MTCL1: variants seen among roughly 807,000 people sequenced by gnomAD.
The protein encoded by MTCL1 is microtubule crosslinking factor 1.
In MTCL1, 79 loss-of-function variants were observed where a neutral mutation model predicts 141.4. That is an observed-to-expected ratio of 0.56 (90% confidence interval 0.47 to 0.67). The LOEUF is 0.67. Among genes scored for constraint, MTCL1 ranks in the 30% least tolerant of loss-of-function variants. The pLI, the probability that MTCL1 is intolerant of heterozygous loss-of-function variation, is 0.00. For missense variants in MTCL1, 2,177 were observed against 2,113.9 expected (o/e 1.03, Z -0.59); for synonymous variants, 914 against 875.8 (o/e 1.04, Z -0.77).
At chr18:8,809,882 A>G (rs1568080756) in intron 11 of MTCL1, 2 of 364,392 alleles carry the variant, frequency 5.5e-6, no homozygotes, top group East Asian at 1.1e-4. Context: ...GTGAATGAGG[A>G]GGTGGGAGGC....
At chr18:8,802,370 G>C (rs2076150209) in intron 10 of MTCL1, 2 of 152,238 alleles carry the variant, frequency 1.3e-5, no homozygotes, top group South Asian at 4.1e-4. Context: ...TCCAGCTTTA[G>C]ATTAATCCTA....
Position 8,812,788 on chromosome 18 carries a change from C to T in MTCL1, c.2605-191C>T, listed in dbSNP as rs183754586. The T allele has an allele frequency of 7.3e-3, 4,853 of 663,562 alleles. 33 individuals are homozygous for T. The highest frequency in any genetic ancestry group is 8.9e-3 in the Non-Finnish European group (3,598 of 404,514). The allele number at this position is 663,562 out of a possible 1,614,324, so 41.1% of individuals were successfully genotyped here. On this transcript the variant is annotated intron_variant, in intron 11 of 16. Transcript: ENST00000359865. ...CATGGGAAGCTCAGTTTACTCACCG[C>T]TTAACATTCTTTGTGACTGTGTCAA...
chr18:8,714,911 C>T (rs576849431), upstream of MTCL1, among the ~76,000 whole-genome samples: 64 of 152,260 alleles, frequency 4.2e-4, no homozygotes, highest in South Asian at 0.012. Context: ...ATTCTTCTGC[C>T]TCAGCCTCCC....
chr18:8,825,787 G>T (rs374048104), exon 15 of MTCL1: 83 of 1,613,982 alleles, frequency 5.1e-5, no homozygotes, highest in Non-Finnish European at 9.3e-6. Context: ...GCCTGGGCCC[G>T]CTCCACCACC....
chr18:8,705,884 C>G lies in MTCL1; in HGVS notation c.224C>G (p.Pro75Arg). ...GGCCGAGCCCCGGCTCCCGCCGCCC[C>G]GCGCTCGCCCAACCTCGCGGGCAAA... Residue 75 changes from proline (P) to arginine (R), a missense_variant, in exon 1 of 14, where the codon CCG (proline) becomes CGG (arginine). By Grantham distance (103) the Pro-to-Arg change is moderately radical. Transcript: ENST00000306329. The surrounding 1 kb of genome is among the most constrained non-coding windows in gnomAD (Gnocchi z 5.2). 2.7e-6 allele frequency: 3 copies of G among 1,115,900 alleles called. No individual in the cohort carries two copies. The highest frequency in any genetic ancestry group is 8.6e-5 in the South Asian group (2 of 23,286). 69.1% of individuals were successfully genotyped at this position (1,115,900 alleles called of 1,614,324 possible).
intron 4 of MTCL1, among the ~76,000 whole-genome samples, chr18:8,726,696 A>G (rs1036294596): frequency 6.6e-6 from 1 of 152,104 alleles, no homozygotes; most frequent in African/African-American, 2.4e-5. Context: ...TCAGTCCATA[A>G]TAAGGGGGAG....
chr18:8,758,724 C>T (rs1448478899), intron 4 of MTCL1, among the ~76,000 whole-genome samples: 2 of 152,126 alleles, frequency 1.3e-5, no homozygotes, highest in Non-Finnish European at 2.9e-5. Context: ...CCAAGGGCCC[C>T]GGGGACTTCA....
intron 4 of MTCL1, among the ~76,000 whole-genome samples, chr18:8,756,578 T>C (rs775288365): frequency 7.2e-5 from 11 of 152,056 alleles, no homozygotes; most frequent in Non-Finnish European, 1.3e-4. Context: ...AGGCAAGAGA[T>C]CCAAATTCTC....
intron 7 of MTCL1, 61 bp downstream of exon 6, chr18:8,786,152 C>T (rs1324186618): frequency 1.5e-6 from 2 of 1,307,624 alleles, no homozygotes; most frequent in African/African-American, 3.3e-5. Context: ...GTGTGGCTGG[C>T]TGTGTGACGT....
At chr18:8,711,661 T>C (rs947662667) in intron 1 of MTCL1, among the ~76,000 whole-genome samples, 36 of 151,906 alleles carry the variant, frequency 2.4e-4, no homozygotes, top group Non-Finnish European at 4.7e-4. Flanking sequence ...CATTTTTTCA[T>C]GTGTTTTTTG....
upstream of MTCL1, among the ~76,000 whole-genome samples, chr18:8,714,768 A>G (rs913554474): frequency 1.3e-5 from 2 of 151,666 alleles, no homozygotes; most frequent in Non-Finnish European, 2.9e-5. Context: ...ACACAGCCAA[A>G]CCATATCATA....
At chr18:8,715,754 A>C (rs750019740), upstream of MTCL1, among the ~76,000 whole-genome samples, 22 of 152,178 alleles carry the variant, frequency 1.4e-4, no homozygotes, top group South Asian at 4.1e-4. Flanking sequence ...GCTCATTTTA[A>C]AGCTTTCAGT....
chr18:8,723,234 A>C (rs554146362), intron 4 of MTCL1, among the ~76,000 whole-genome samples: 3 of 152,370 alleles, frequency 2.0e-5, no homozygotes, highest in African/African-American at 7.2e-5. Context: ...GAACGATGGT[A>C]TCTCATGATA....
chr18:8,821,936 T>TA (rs2076858841), intron 14 of MTCL1, among the ~76,000 whole-genome samples: 1 of 152,242 alleles, frequency 6.6e-6, no homozygotes, highest in Non-Finnish European at 1.5e-5. Context: ...AGAAGATATA[T>TA]AGTGGTTGAT....
chr18:8,788,697 C>T (rs2075609641), intron 7 of MTCL1, among the ~76,000 whole-genome samples: 1 of 152,210 alleles, frequency 6.6e-6, no homozygotes, highest in South Asian at 2.1e-4. Context: ...GCTGCTCAGA[C>T]ACCACCATTC....
At chr18:8,770,324 T>C (rs554043367) in intron 4 of MTCL1, among the ~76,000 whole-genome samples, 1 of 152,362 alleles carries the variant, frequency 6.6e-6, no homozygotes, top group African/African-American at 2.4e-5. Context: ...CTTAGTCAGC[T>C]TGGGCTGCTG....
chr18:8,789,812 A>G (rs1245579497), intron 7 of MTCL1: 2 of 631,544 alleles, frequency 3.2e-6, no homozygotes, highest in Non-Finnish European at 3.9e-6. Flanking sequence ...GAAGACATTT[A>G]TGTGTCATGT....
intron 1 of MTCL1, among the ~76,000 whole-genome samples, chr18:8,711,717 G>A (rs902837951): frequency 8.6e-5 from 13 of 150,988 alleles, no homozygotes; most frequent in African/African-American, 1.2e-4. Flanking sequence ...CATGTCCTTC[G>A]CCCACTTTTT....
chr18:8,739,103 G>A (rs1449735149), intron 4 of MTCL1, among the ~76,000 whole-genome samples: 1 of 152,134 alleles, frequency 6.6e-6, no homozygotes, highest in Non-Finnish European at 1.5e-5. Flanking sequence ...AAATTAGCCA[G>A]GTGTGGTGAC....
Sources: gnomAD v4.1 joint callset for allele counts (sites outside exome capture counted in the v4.1 genomes callset) on GRCh38, gnomAD v4.1.1 for gene constraint, Gnocchi (gnomAD v3.1) non-coding constraint, MANE v1.5 for transcripts, NCBI Gene and HGNC (gene_info 2026-07-23, HGNC 2026-07-21) for gene names.